GABRG3: variants seen among roughly 807,000 people sequenced by gnomAD.
GABRG3 encodes gamma-aminobutyric acid receptor subunit gamma-3.
In GABRG3, 25 loss-of-function variants were observed where a neutral mutation model predicts 48.8. That is an observed-to-expected ratio of 0.51 (90% confidence interval 0.37 to 0.72). The LOEUF (loss-of-function observed/expected upper bound fraction) is 0.72. Among genes scored for constraint, GABRG3 ranks in the 30% least tolerant of loss-of-function variants. The pLI, the probability that GABRG3 is intolerant of heterozygous loss-of-function variation, is 0.00. For missense variants in GABRG3, 394 were observed against 577.9 expected (o/e 0.68, Z 3.26); for synonymous variants, 227 against 217.6 (o/e 1.04, Z -0.38).
chr15:27,489,754 G>A (rs1314934142), intron 6 of GABRG3, among the ~76,000 whole-genome samples: 1 of 152,074 alleles, frequency 6.6e-6, no homozygotes, highest in East Asian at 1.9e-4. Context: ...TAAGTTCTTT[G>A]TAGATTCTGG....
At chr15:27,337,458 A>G (rs568261495) in intron 5 of GABRG3, among the ~76,000 whole-genome samples, 1 of 152,356 alleles carries the variant, frequency 6.6e-6, no homozygotes, top group East Asian at 1.9e-4. Flanking sequence ...AGATATTTTT[A>G]TGCTAAGTCG....
rs1595813083 is a variant in GABRG3, at chr15:27,527,970, G to A, written c.1100G>A (p.Arg367Gln). 3 of 1,597,846 alleles carry A rather than the reference G, an allele frequency of 1.9e-6. No homozygotes were observed. Among genetic ancestry groups the A allele is most frequent in the Non-Finnish European group, 2.6e-6 (3 of 1,171,198 alleles). Residue 367 changes from arginine to glutamine, a missense_variant, in exon 9 of 10, where the codon CGA (arginine) becomes CAA (glutamine). Physicochemically the swap from Arg to Gln is conservative, Grantham distance 43. This residue lies in a region of GABRG3 where 126 missense variants were observed against 155.5 expected (regional missense o/e 0.81). Coordinates refer to ENST00000615808, the MANE Select transcript of GABRG3 (RefSeq NM_033223.5). ...GATTCCTCAAGATGGATTCCTGAGC[G>A]AATAAGCCTACAAGCCCCTTCCGTA... ...HPDSSRWIPE[R>Q]ISLQAPSNYS...
chr15:27,483,358 C>G (rs778519110), intron 6 of GABRG3: 5 of 152,204 alleles, frequency 3.3e-5, no homozygotes, highest in Non-Finnish European at 7.3e-5. Flanking sequence ...GTGTTGATCC[C>G]TGTATCTGCA....
At chr15:27,208,556 C>A in intron 3 of GABRG3, 1 of 184,326 alleles carries the variant, frequency 5.4e-6, no homozygotes, top group Non-Finnish European at 1.1e-5. Context: ...GCAGGGCTGG[C>A]TTGGGAGGCT....
intron 3 of GABRG3, among the ~76,000 whole-genome samples, chr15:27,312,261 C>A (rs1377836032): frequency 6.6e-6 from 1 of 151,320 alleles, no homozygotes; most frequent in Non-Finnish European, 1.5e-5. Flanking sequence ...GTCATAGGAG[C>A]AAAAATAAGA....
At chr15:27,174,052 T>A (rs1305411005) in intron 3 of GABRG3, among the ~76,000 whole-genome samples, 1 of 152,202 alleles carries the variant, frequency 6.6e-6, no homozygotes, top group Non-Finnish European at 1.5e-5. Flanking sequence ...CTTATCATTT[T>A]GCTCCTACAT....
At chr15:27,049,618 C>G (rs1896422732) in intron 3 of GABRG3, among the ~76,000 whole-genome samples, 1 of 152,196 alleles carries the variant, frequency 6.6e-6, no homozygotes, top group Non-Finnish European at 1.5e-5. Context: ...GAACATGACA[C>G]TTTTCATTTC....
intron 6 of GABRG3, among the ~76,000 whole-genome samples, chr15:27,499,160 T>C (rs2150852913): frequency 6.6e-6 from 1 of 152,316 alleles, no homozygotes; most frequent in South Asian, 2.1e-4. Flanking sequence ...ATTAAAACAG[T>C]TCTTAGAATG....
chr15:27,154,033 G>A (rs1368637109), intron 3 of GABRG3, among the ~76,000 whole-genome samples: 1 of 152,110 alleles, frequency 6.6e-6, no homozygotes, highest in East Asian at 1.9e-4. Context: ...TAGGAGTTGG[G>A]CTGTGCTTAG....
At chr15:27,001,604 T>C (rs533192302) in intron 2 of GABRG3, among the ~76,000 whole-genome samples, 1 of 152,342 alleles carries the variant, frequency 6.6e-6, no homozygotes, top group Non-Finnish European at 1.5e-5. Flanking sequence ...ATGGTTTCAC[T>C]GGGATACTCT....
At position 27,406,999 on chromosome 15, in the gene GABRG3, C is replaced by T. The variant is rs558911217; in HGVS notation, c.575-73651C>T. Among the ~76,000 whole-genome samples the T allele has an allele frequency of 5.1e-4, 78 of 152,198 alleles. 1 individual carries two copies. The highest frequency in any genetic ancestry group is 3.5e-3 in the South Asian group (17 of 4,826). ...CTGGAGTGCAGTGGCACAATCTCAGCTCATTGCAACCTCCACCTCCTAGGT... is the reference window on the plus strand; with the variant it reads ...CTGGAGTGCAGTGGCACAATCTCAGTTCATTGCAACCTCCACCTCCTAGGT... On this transcript the variant is annotated intron_variant, in intron 5 of 9. Coordinates refer to ENST00000615808, the MANE Select transcript of GABRG3 (RefSeq NM_033223.5).
At position 27,511,865 on chromosome 15, in the gene GABRG3, T is replaced by C. The variant is rs141151408; in HGVS notation, c.713-8107T>C. Among the ~76,000 whole-genome samples the C allele has an allele frequency of 1.9e-4, 29 of 152,202 alleles. No individual in the cohort carries two copies. The East Asian group carries it at 3.5e-3, about 18-fold the overall frequency. On this transcript the variant is annotated intron_variant, in intron 6 of 9. Coordinates refer to ENST00000615808, the MANE Select transcript of GABRG3 (RefSeq NM_033223.5). ...ACAGGTAGTCAATAATCTAATAGGG[T>C]CACATTTGGACAACTGAGTCAGTGA... is the stretch of plus-strand genomic sequence containing the variant.
At chr15:27,161,675 A>G (rs545186969) in intron 3 of GABRG3, among the ~76,000 whole-genome samples, 1 of 152,080 alleles carries the variant, frequency 6.6e-6, no homozygotes, top group African/African-American at 2.4e-5. Flanking sequence ...ATTAGCATTC[A>G]CATTTTGGTC....
intron 7 of GABRG3, among the ~76,000 whole-genome samples, chr15:27,527,227 T>C (rs181588252): frequency 6.6e-6 from 1 of 152,360 alleles, no homozygotes; most frequent in African/African-American, 2.4e-5. Context: ...TTTAATGTTA[T>C]TGTGAAGACT....
chr15:27,225,061 C>T (rs888714248), intron 3 of GABRG3, among the ~76,000 whole-genome samples: 3 of 152,126 alleles, frequency 2.0e-5, no homozygotes, highest in Admixed American at 6.5e-5. Flanking sequence ...ACTAGAGTTC[C>T]TTCTTCCTTC....
intron 3 of GABRG3, among the ~76,000 whole-genome samples, chr15:27,074,214 T>C (rs557450814): frequency 6.6e-6 from 1 of 152,212 alleles, no homozygotes; most frequent in East Asian, 1.9e-4. Context: ...AGGGGAATTA[T>C]GGGAGTACAA....
intron 3 of GABRG3, among the ~76,000 whole-genome samples, chr15:27,030,183 G>A (rs1212947111): frequency 6.6e-6 from 1 of 152,134 alleles, no homozygotes; most frequent in Non-Finnish European, 1.5e-5. Context: ...ATTTGTATTG[G>A]GGGTTTGACC....
chr15:27,520,845 C>T (rs1891143160), intron 7 of GABRG3, among the ~76,000 whole-genome samples: 1 of 148,782 alleles, frequency 6.7e-6, no homozygotes, highest in African/African-American at 2.5e-5. Flanking sequence ...TTTCAAATTT[C>T]TGCAACATCT....
Position 27,532,984 on chromosome 15 carries a change from C to G in GABRG3, c.*103C>G, listed in dbSNP as rs1891465712. 4.8e-6 allele frequency: 5 copies of G among 1,047,082 alleles called. No homozygotes were observed. In the African/African-American group the frequency reaches 6.4e-5, roughly 13 times the overall value. 64.9% of individuals were successfully genotyped at this position (1,047,082 alleles called of 1,614,324 possible). A position where few individuals can be genotyped will look rare whatever the true frequency, so the allele number is the denominator to read the frequency against. On this transcript the variant is annotated 3_prime_UTR_variant, in exon 10 of 10. Coordinates refer to ENST00000615808, the MANE Select transcript of GABRG3 (RefSeq NM_033223.5). ...TCGGGAGTAGCAAGGAAGGACACTG[C>G]CCAGTGTATCTTGTTATAAATGACC...
Sources: allele counts gnomAD v4.1 joint callset (sites outside exome capture counted in the v4.1 genomes callset), GRCh38; gene constraint gnomAD v4.1.1; regional missense constraint gnomAD v4.1.1; transcripts MANE v1.5; gene names NCBI Gene and HGNC (gene_info 2026-07-23, HGNC 2026-07-21).